Variants in AFAP1 observed in about 807,000 individuals in gnomAD.
AFAP1 encodes the protein actin filament-associated protein 1.
A neutral mutation model predicts 93.9 loss-of-function variants in AFAP1; 75 were observed. The ratio of observed to expected loss-of-function variants is 0.80; its 90% CI spans 0.66 to 0.97. The LOEUF is 0.97. Ranked by LOEUF, AFAP1 falls within the 50% of genes least tolerant of loss-of-function variation. The pLI, the probability that AFAP1 is intolerant of heterozygous loss-of-function variation, is 0.00. For synonymous variants in AFAP1, 517 were observed against 430.7 expected (o/e 1.20, Z -2.48); for missense variants, 1,201 against 1,050.8 (o/e 1.14, Z -1.98).
intron 10 of AFAP1, among the ~76,000 whole-genome samples, chr4:7,797,601 G>T (rs1718553849): frequency 6.6e-6 from 1 of 152,206 alleles, no homozygotes; most frequent in Non-Finnish European, 1.5e-5. Flanking sequence ...GAGGCAGAGG[G>T]AGCAGGCTAA....
chr4:7,845,099 G>A (rs552125428), intron 4 of AFAP1, among the ~76,000 whole-genome samples: 15 of 152,038 alleles, frequency 9.9e-5, no homozygotes, highest in Non-Finnish European at 1.5e-4. Context: ...GAAAGATTTA[G>A]AGTTTAAGTT....
At chr4:7,864,404 A>C (rs1394745904) in intron 3 of AFAP1, among the ~76,000 whole-genome samples, 1 of 152,206 alleles carries the variant, frequency 6.6e-6, no homozygotes, top group Non-Finnish European at 1.5e-5. Context: ...CAATAGCGAA[A>C]CGGCCAACTA....
At position 7,876,121 on chromosome 4, in the gene AFAP1, G is replaced by C. The variant is rs192494586; in HGVS notation, c.-2-4041C>G. Among the ~76,000 whole-genome samples, 6 of 152,318 alleles carry C rather than the reference G, an allele frequency of 3.9e-5. No homozygotes were observed. In the East Asian group the frequency reaches 1.2e-3, roughly 29 times the overall value. ...GAATTTGCTTGGGTTCCACCTAACA[G>C]CATGGAACTATCTGAAGAGAACCTA... On this transcript the variant is annotated intron_variant, in intron 1 of 17. Coordinates refer to ENST00000420658, the MANE Select transcript of AFAP1 (RefSeq NM_001134647.2).
chr4:7,827,200 T>C (rs1721499965), intron 6 of AFAP1, among the ~76,000 whole-genome samples: 1 of 149,678 alleles, frequency 6.7e-6, no homozygotes, highest in Non-Finnish European at 1.5e-5. Flanking sequence ...ACGGAAGGAG[T>C]GAAGGAAACC....
chr4:7,813,995 G>C (rs1319717324), intron 8 of AFAP1, among the ~76,000 whole-genome samples: 2 of 152,118 alleles, frequency 1.3e-5, no homozygotes, highest in African/African-American at 2.4e-5. Flanking sequence ...GAGCAAACAG[G>C]CTGTCTGGTT....
intron 1 of AFAP1, among the ~76,000 whole-genome samples, chr4:7,889,689 C>T (rs971305515): frequency 3.9e-4 from 35 of 89,012 alleles, no homozygotes; most frequent in African/African-American, 9.7e-4. Context: ...CTCAATGAAG[C>T]GTTTTTTTTT....
intron 4 of AFAP1, among the ~76,000 whole-genome samples, chr4:7,846,256 T>G (rs559915620): frequency 3.3e-5 from 5 of 152,344 alleles, no homozygotes; most frequent in Admixed American, 3.3e-4. Flanking sequence ...GGCTTCTTTA[T>G]GATAAATCAC....
rs750261193 is a variant in AFAP1, at chr4:7,809,773, G to A, written c.905-10C>T. 6.2e-7 allele frequency: 1 copy of A among 1,602,606 alleles called. No homozygotes were observed. Among genetic ancestry groups the A allele is most frequent in the Non-Finnish European group, 8.5e-7 (1 of 1,176,556 alleles). ...CTTTTCTTCCTCTTCACTGTCAAGA[G>A]TAACAACAGCAAAAAAGCATGTTTT... On this transcript the variant is annotated splice_polypyrimidine_tract_variant and intron_variant, in intron 8 of 17. Coordinates refer to ENST00000420658, the MANE Select transcript of AFAP1 (RefSeq NM_001134647.2).
At chr4:7,769,139 G>A (rs569170923) in intron 16 of AFAP1, 131 bp from the exon 17 acceptor site, 3 of 1,219,468 alleles carry the variant, frequency 2.5e-6, no homozygotes, top group East Asian at 2.6e-5. Flanking sequence ...GTAGCAGCAA[G>A]GACTGCCACG....
intron 12 of AFAP1, among the ~76,000 whole-genome samples, chr4:7,783,755 A>G (rs1451589188): frequency 2.0e-5 from 3 of 152,238 alleles, no homozygotes; most frequent in African/African-American, 7.2e-5. Flanking sequence ...GAGCTGGATG[A>G]TCACGTGTGT....
At chr4:7,856,090 G>A (rs1396622004) in intron 3 of AFAP1, among the ~76,000 whole-genome samples, 1 of 152,220 alleles carries the variant, frequency 6.6e-6, no homozygotes, top group African/African-American at 2.4e-5. Context: ...CACACTGGCT[G>A]AGTGCACGAG....
chr4:7,765,815 A>G (rs1294395331), intron 17 of AFAP1, among the ~76,000 whole-genome samples: 2 of 152,186 alleles, frequency 1.3e-5, no homozygotes, highest in Non-Finnish European at 2.9e-5. Flanking sequence ...TCTCTGAGCC[A>G]TGGTACAACG....
At chr4:7,877,841 T>A (rs907020798) in intron 1 of AFAP1, among the ~76,000 whole-genome samples, 5 of 152,216 alleles carry the variant, frequency 3.3e-5, no homozygotes, top group Non-Finnish European at 5.9e-5. Flanking sequence ...AATGTCAACA[T>A]AGACTACAGA....
chr4:7,805,275 A>T (rs139640122), intron 9 of AFAP1, among the ~76,000 whole-genome samples: 3,606 of 152,260 alleles, frequency 0.024, 142 homozygotes, highest in African/African-American at 0.08. Flanking sequence ...CTACTAAAAA[A>T]TCCTGCCATT....
At chr4:7,897,720 C>CTCGA (rs1718871469) in intron 1 of AFAP1, among the ~76,000 whole-genome samples, 3 of 152,186 alleles carry the variant, frequency 2.0e-5, no homozygotes, top group Admixed American at 1.3e-4. Flanking sequence ...GATGGGGCTT[C>CTCGA]ACCATGTTGG....
chr4:7,885,772 A>G (rs1718109083), intron 1 of AFAP1, among the ~76,000 whole-genome samples: 1 of 152,226 alleles, frequency 6.6e-6, no homozygotes, highest in African/African-American at 2.4e-5. Flanking sequence ...GTCTTTTGTG[A>G]TAGTCTCAGA....
intron 1 of AFAP1, among the ~76,000 whole-genome samples, chr4:7,931,934 C>T (rs1721092319): frequency 6.6e-6 from 1 of 152,170 alleles, no homozygotes; most frequent in East Asian, 1.9e-4. Context: ...GATCTTGGCT[C>T]ACTGCAAGCT....
At chr4:7,921,701 C>T (rs765674733) in intron 1 of AFAP1, among the ~76,000 whole-genome samples, 13 of 152,224 alleles carry the variant, frequency 8.5e-5, no homozygotes, top group Non-Finnish European at 1.3e-4. Flanking sequence ...CACATATTCA[C>T]GCAAATATGC....
intron 5 of AFAP1, among the ~76,000 whole-genome samples, chr4:7,838,906 T>G (rs1422644296): frequency 6.6e-6 from 1 of 151,976 alleles, no homozygotes; most frequent in Admixed American, 6.6e-5. Context: ...TGTGAAAAAG[T>G]ACATCCATTC....
Sources: gnomAD v4.1 joint callset for allele counts (sites outside exome capture counted in the v4.1 genomes callset) on GRCh38, gnomAD v4.1.1 for gene constraint, MANE v1.5 for transcripts, NCBI Gene and HGNC (gene_info 2026-07-23, HGNC 2026-07-21) for gene names.